Variants in LRP1B observed in about 807,000 individuals in gnomAD.
LRP1B encodes the protein low-density lipoprotein receptor-related protein 1B.
Under a neutral mutation model 556.6 loss-of-function variants are expected in LRP1B, and 217 were observed. The observed-to-expected ratio is 0.39, with a 90% CI of 0.35 to 0.44. The LOEUF is 0.44. Ranked by LOEUF, LRP1B falls within the 20% of genes least tolerant of loss-of-function variation. The probability of loss-of-function intolerance (pLI) is 1.00; values close to 1 mark genes in which losing one functional copy is unlikely to be tolerated. For synonymous variants in LRP1B, 2,047 were observed against 1,865.8 expected, an observed-to-expected ratio of 1.10 and a Z score of -2.50; for missense variants, 5,053 against 5,620.8, an observed-to-expected ratio of 0.90 and a Z score of 3.23.
chr2:140,656,281 G>A (rs1684876453), intron 41 of LRP1B, among the ~76,000 whole-genome samples: 6 of 152,088 alleles, frequency 3.9e-5, no homozygotes. Context: ...GACATTTTTT[G>A]TCTTATTTTA....
At chr2:142,038,734 A>G (rs1334637721) in intron 1 of LRP1B, among the ~76,000 whole-genome samples, 1 of 151,520 alleles carries the variant, frequency 6.6e-6, no homozygotes, top group East Asian at 1.9e-4. Context: ...AACTTTTTCT[A>G]TTAGGCAAAA....
At chr2:140,600,489 G>T (rs1384212649) in intron 42 of LRP1B, among the ~76,000 whole-genome samples, 1 of 152,016 alleles carries the variant, frequency 6.6e-6, no homozygotes, top group African/African-American at 2.4e-5. Flanking sequence ...CTGTTATTTA[G>T]TCCTTTCTTC....
intron 7 of LRP1B, among the ~76,000 whole-genome samples, chr2:141,090,615 A>G (rs776235203): frequency 6.6e-6 from 1 of 152,228 alleles, no homozygotes; most frequent in Non-Finnish European, 1.5e-5. Flanking sequence ...CATGAAAGTA[A>G]GTTGAAATTC....
intron 2 of LRP1B, among the ~76,000 whole-genome samples, chr2:141,631,329 T>C (rs1688900302): frequency 6.6e-6 from 1 of 152,084 alleles, no homozygotes; most frequent in Admixed American, 6.5e-5. Flanking sequence ...CAGTTCAAGA[T>C]GAGATTTGGG....
intron 3 of LRP1B, among the ~76,000 whole-genome samples, chr2:141,349,414 G>A (rs576699623): frequency 9.2e-5 from 14 of 152,090 alleles, no homozygotes; most frequent in South Asian, 2.1e-4. Context: ...AAATCAATAC[G>A]AAGGACCAGT....
chr2:141,231,730 C>G lies in LRP1B; in HGVS notation c.593-2290G>C, dbSNP rs1215413932. On this transcript the variant is annotated intron_variant, in intron 5 of 90. Transcript: ENST00000389484. Reference sequence around the variant, plus strand: ...TATGCTTAAGTTACATTATTGTTGTCAAATGTATCTGCCATAAACCTCTCC... The same window carrying G: ...TATGCTTAAGTTACATTATTGTTGTGAAATGTATCTGCCATAAACCTCTCC... 2.0e-5 allele frequency among the ~76,000 whole-genome samples: 3 copies of G among 151,244 alleles called. No individual in the cohort carries two copies. The Admixed American group carries it at 2.0e-4, about 10-fold the overall frequency.
intron 7 of LRP1B, among the ~76,000 whole-genome samples, chr2:141,152,368 T>A (rs1701945965): frequency 6.6e-6 from 1 of 151,938 alleles, no homozygotes; most frequent in African/African-American, 2.4e-5. Context: ...AACTATGAAG[T>A]TTTGAGGACA....
intron 35 of LRP1B, among the ~76,000 whole-genome samples, chr2:140,739,228 T>C (rs564283567): frequency 1.3e-5 from 2 of 152,148 alleles, no homozygotes; most frequent in South Asian, 4.1e-4. Context: ...TGGGTGAGGA[T>C]GGAGAAAGAA....
At chr2:141,419,397 C>G (rs1424203447) in intron 3 of LRP1B, among the ~76,000 whole-genome samples, 2 of 152,102 alleles carry the variant, frequency 1.3e-5, no homozygotes, top group Admixed American at 1.3e-4. Flanking sequence ...ATCAGTGAAG[C>G]TATCTGGTTC....
At chr2:141,084,566 G>T (rs2104892981) in intron 7 of LRP1B, among the ~76,000 whole-genome samples, 1 of 151,872 alleles carries the variant, frequency 6.6e-6, no homozygotes, top group African/African-American at 2.4e-5. Context: ...TAAATAAAAA[G>T]ATTCCTTTTG....
At chr2:140,384,071 T>C (rs1379980005) in intron 67 of LRP1B, among the ~76,000 whole-genome samples, 6 of 152,166 alleles carry the variant, frequency 3.9e-5, no homozygotes, top group African/African-American at 1.4e-4. Context: ...AGCCCTTCCT[T>C]CTTCTCCTGC....
At chr2:140,994,731 A>T (rs886275369) in intron 15 of LRP1B, among the ~76,000 whole-genome samples, 3 of 152,024 alleles carry the variant, frequency 2.0e-5, no homozygotes, top group Admixed American at 1.3e-4. Flanking sequence ...TTAAATACAT[A>T]CAATAAAAAT....
chr2:140,821,826 A>G (rs1180068735), intron 31 of LRP1B, among the ~76,000 whole-genome samples: 1 of 151,988 alleles, frequency 6.6e-6, no homozygotes, highest in Non-Finnish European at 1.5e-5. Context: ...CGAGGTCAGG[A>G]GTTCAAGACC....
At chr2:141,696,934 T>A (rs1691751701) in intron 2 of LRP1B, among the ~76,000 whole-genome samples, 1 of 152,064 alleles carries the variant, frequency 6.6e-6, no homozygotes, top group Admixed American at 6.6e-5. Flanking sequence ...AAATCTATAA[T>A]AATAATACGG....
chr2:141,257,487 A>T (rs1305789570), intron 3 of LRP1B, among the ~76,000 whole-genome samples: 5 of 152,192 alleles, frequency 3.3e-5, no homozygotes, highest in African/African-American at 1.2e-4. Context: ...TTTCTGGAAG[A>T]TGGAGAGTGA....
chr2:141,136,632 A>C (rs1213213795), intron 7 of LRP1B, among the ~76,000 whole-genome samples: 1 of 648 alleles, frequency 1.5e-3, no homozygotes, highest in East Asian at 0.1. Flanking sequence ...GTGATGAGCA[A>C]AAAAAAAAAA....
chr2:141,656,377 A>C (rs1690009106), intron 2 of LRP1B, among the ~76,000 whole-genome samples: 1 of 152,256 alleles, frequency 6.6e-6, no homozygotes, highest in East Asian at 1.9e-4. Flanking sequence ...TGTTTCATCT[A>C]TCTCTGGTCT....
intron 21 of LRP1B, among the ~76,000 whole-genome samples, chr2:140,913,974 T>G (rs1573873508): frequency 6.6e-6 from 1 of 152,138 alleles, no homozygotes; most frequent in Admixed American, 6.6e-5. Context: ...GAATGGGACC[T>G]GTTCAAAAAG....
chr2:141,672,993 T>C (rs1474579321), intron 2 of LRP1B, among the ~76,000 whole-genome samples: 3 of 152,146 alleles, frequency 2.0e-5, no homozygotes, highest in South Asian at 2.1e-4. Context: ...ATGGGTATCA[T>C]TAACACATTC....
Sources: allele counts gnomAD v4.1 joint callset (sites outside exome capture counted in the v4.1 genomes callset), GRCh38; gene constraint gnomAD v4.1.1; transcripts MANE v1.5; gene names NCBI Gene and HGNC (gene_info 2026-07-23, HGNC 2026-07-21).